The following INF2 variants were observed in gnomAD, a reference collection of about 807,000 sequenced individuals.
INF2 encodes inverted formin-2.
A neutral mutation model predicts 123.5 loss-of-function variants in INF2; 43 were observed. The observed-to-expected ratio is 0.35, with a 90% confidence interval of 0.27 to 0.45. INF2 has a LOEUF of 0.45. INF2 is among the 20% of genes least tolerant of loss of function. The probability of loss-of-function intolerance (pLI) is 1.00; values close to 1 mark genes in which losing one functional copy is unlikely to be tolerated. For synonymous variants in INF2, 851 were observed against 745.0 expected, an observed-to-expected ratio of 1.14 and a Z score of -2.32; for missense variants, 1,453 against 1,682.7, an observed-to-expected ratio of 0.86 and a Z score of 2.39.
chr14:104,709,453 C>G, intron 11 of INF2, 70 bp downstream of exon 11: 5 of 1,375,886 alleles, frequency 3.6e-6, no homozygotes, highest in Non-Finnish European at 5.2e-6. Flanking sequence ...GTCCCGGGGG[C>G]TCCCAGCAGG....
At chr14:104,681,366 G>A (rs531127767) in exon 1 of INF2, 197 of 444,246 alleles carry the variant, frequency 4.4e-4, no homozygotes, top group African/African-American at 3.8e-3. Context: ...AGAAAGCCAC[G>A]TGCAGGCTTG....
At chr14:104,710,625 G>A (rs1890007842) in intron 13 of INF2, 2 of 529,134 alleles carry the variant, frequency 3.8e-6, no homozygotes, top group Non-Finnish European at 6.8e-6. Flanking sequence ...ACAGACATAA[G>A]TGCACACACA....
At chr14:104,705,707 G>A (rs565609128) in intron 5 of INF2, among the ~76,000 whole-genome samples, 1 of 152,332 alleles carries the variant, frequency 6.6e-6, no homozygotes, top group South Asian at 2.1e-4. Context: ...TCACGGCCCG[G>A]TTCCATTGTG....
At chr14:104,700,113 G>A (rs543124034) in intron 1 of INF2, among the ~76,000 whole-genome samples, 139 of 152,240 alleles carry the variant, frequency 9.1e-4, no homozygotes, top group South Asian at 3.3e-3. Flanking sequence ...TTGGGTGCTC[G>A]ACCCCGCTCA....
Position 104,710,731 on chromosome 14 carries a change from C to T in INF2, c.2240-206C>T. The T allele has an allele frequency of 6.7e-6, 4 of 592,884 alleles. No homozygotes were observed. The South Asian group carries it at 8.0e-5, about 12-fold the overall frequency. The allele number at this position is 592,884 out of a possible 1,614,324, so 36.7% of individuals were successfully genotyped here. On this transcript the variant is annotated intron_variant, in intron 13 of 22. Transcript: ENST00000392634. ...CGGACCAGTGAGGCACAGCTCACGT[C>T]TGTCAGGCACACTGTAGGTGTCCAC...
chr14:104,683,542 C>T (rs1888584570), intron 1 of INF2, among the ~76,000 whole-genome samples: 1 of 152,154 alleles, frequency 6.6e-6, no homozygotes, highest in East Asian at 1.9e-4. Flanking sequence ...GGAGGGCAGA[C>T]AGTCGCAGTG....
intron 22 of INF2, among the ~76,000 whole-genome samples, chr14:104,717,962 C>T (rs1890391201): frequency 6.6e-6 from 1 of 152,200 alleles, no homozygotes; most frequent in Non-Finnish European, 1.5e-5. Flanking sequence ...TGGGGACCAG[C>T]GGGGGCCCTG....
chr14:104,714,277 A>C lies in INF2; in HGVS notation c.3115A>C (p.Thr1039Pro). 6.3e-7 allele frequency: 1 copy of C among 1,595,044 alleles called. No individual in the cohort carries two copies. Among genetic ancestry groups the C allele is most frequent in the Non-Finnish European group, 8.5e-7 (1 of 1,172,370 alleles). Residue 1039 changes from threonine to proline, a missense_variant, in exon 21 of 23, where the codon ACA (threonine) becomes CCA (proline). By Grantham distance (38) the Thr-to-Pro change is conservative. Around this residue, in one of 8 missense-constraint regions of INF2, gnomAD observed 344 missense variants for 333.1 expected, o/e 1.03. Coordinates refer to ENST00000392634, the MANE Select transcript of INF2 (RefSeq NM_022489.4). ...CPASEPGLDATTASESRGWDL... is the reference protein window; with the variant it reads ...CPASEPGLDAPTASESRGWDL... ...CGCCTCTGAGCCCGGCCTTGATGCT[A>C]CAACAGCCAGCGAGTCCCGGGGCTG...
At chr14:104,708,205 C>G (rs1490036603) in intron 8 of INF2, 2 of 903,472 alleles carry the variant, frequency 2.2e-6, no homozygotes, top group Admixed American at 2.5e-5. Context: ...CTCTGAGGAC[C>G]CCCCTCCACA....
At position 104,722,009 on chromosome 14, in the gene INF2, A is replaced by G. The variant is rs1890568692; in HGVS notation, c.*3216A>G. The G allele has an allele frequency of 6.6e-6, 1 of 152,248 alleles. No individual in the cohort carries two copies. Among genetic ancestry groups the G allele is most frequent in the African/African-American group, 2.4e-5 (1 of 41,442 alleles). 9.4% of individuals were successfully genotyped at this position (152,248 alleles called of 1,614,324 possible). ...AAGAGTGGAACCCACAGGTGGACAC[A>G]CCCATGCACCCTCGTTCTTGCCCAA... On this transcript the variant is annotated 3_prime_UTR_variant, in exon 23 of 23. Coordinates refer to ENST00000392634, the MANE Select transcript of INF2 (RefSeq NM_022489.4).
rs569328185 is a variant in INF2, at chr14:104,694,070, G to A, written c.-10+4331G>A. On this transcript the variant is annotated intron_variant, in intron 1 of 22. Coordinates refer to ENST00000392634, the MANE Select transcript of INF2 (RefSeq NM_022489.4). ...GCTTCCATGTGCAGAGGGCCCCCCCGGCTGCCCCTTCCCTGGGCCAGGCCA... is the reference window on the plus strand; with the variant it reads ...GCTTCCATGTGCAGAGGGCCCCCCCAGCTGCCCCTTCCCTGGGCCAGGCCA... Among the ~76,000 whole-genome samples, 311 of 152,330 alleles carry A rather than the reference G, an allele frequency of 2.0e-3. 3 individuals carry two copies. Among genetic ancestry groups the A allele is most frequent in the African/African-American group, 7.0e-3 (290 of 41,560 alleles).
intron 15 of INF2, 100 bp from the exon 16 acceptor site, chr14:104,711,529 C>T: frequency 9.3e-7 from 1 of 1,073,954 alleles, no homozygotes; most frequent in Non-Finnish European, 1.4e-6. Context: ...GTTTTCTGGA[C>T]CTTAATTGCT....
Position 104,701,413 on chromosome 14 carries a change from G to C in INF2, c.48G>C (p.Glu16Asp), listed in dbSNP as rs1203173746. The change falls in exon 2 of 23, where the codon GAG (glutamate) becomes GAC (aspartate). Residue 16 changes from glutamate (E) to aspartate (D), a missense_variant. Coordinates refer to ENST00000392634, the MANE Select transcript of INF2 (RefSeq NM_022489.4). Reference protein sequence around the residue: ...GAQRKWAALKEKLGPQDSDPT... With the variant: ...GAQRKWAALKDKLGPQDSDPT... ...AGCGCAAGTGGGCAGCGCTGAAGGAGAAGCTGGGGCCACAGGATTCGGACC... is the reference window on the plus strand; with the variant it reads ...AGCGCAAGTGGGCAGCGCTGAAGGACAAGCTGGGGCCACAGGATTCGGACC... 1.9e-6 allele frequency: 3 copies of C among 1,595,578 alleles called. No individual in the cohort carries two copies. Among genetic ancestry groups the C allele is most frequent in the Non-Finnish European group, 2.6e-6 (3 of 1,170,796 alleles).
Position 104,707,876 on chromosome 14 carries a change from G to A in INF2, c.1609G>A (p.Val537Ile), listed in dbSNP as rs1889860935. 6.2e-7 allele frequency: 1 copy of A among 1,606,366 alleles called. No individual in the cohort carries two copies. The highest frequency in any genetic ancestry group is 1.7e-5 in the Admixed American group (1 of 59,930). Residue 537 changes from valine to isoleucine, a missense_variant, in exon 8 of 23, where the codon GTC (valine) becomes ATC (isoleucine). By Grantham distance (29) the Val-to-Ile change is conservative. This residue lies in a region of INF2 where 374 missense variants were observed against 303.7 expected (regional missense o/e 1.23). Coordinates refer to ENST00000392634, the MANE Select transcript of INF2 (RefSeq NM_022489.4). ...CCCCGTGGCGGGAGGCATGGAGGAG[G>A]TCATCGTGGCCCAGGTGGACCATGG... is the stretch of plus-strand genomic sequence containing the variant. ...SPPVAGGMEEVIVAQVDHGLG... is the reference protein window; with the variant it reads ...SPPVAGGMEEIIVAQVDHGLG...
intron 1 of INF2, among the ~76,000 whole-genome samples, chr14:104,682,564 G>C (rs1888551409): frequency 1.3e-5 from 2 of 152,192 alleles, no homozygotes; most frequent in Admixed American, 6.5e-5. Context: ...GGGGAAGGCA[G>C]AGCGGGCTGC....
Position 104,709,682 on chromosome 14 carries a change from C to T in INF2, c.2115C>T (p.Tyr705=). The change falls in exon 12 of 23, where the codon TAC becomes TAT. Residue 705 remains tyrosine (Y), a synonymous_variant. Transcript: ENST00000392634. ...AGCTGGCCAGCGCCGACCACTTCTA[C>T]CTCCTCCTGCTGGCCATTCCCTGGT... ...RAKLASADHF[Y]LLLLAIPCYQ... 1 of 1,612,684 alleles carries T rather than the reference C, an allele frequency of 6.2e-7. No homozygotes were observed. The highest frequency in any genetic ancestry group is 8.5e-7 in the Non-Finnish European group (1 of 1,179,794).
chr14:104,707,076 G>A, intron 7 of INF2, 25 bp downstream of exon 7: 1 of 1,561,680 alleles, frequency 6.4e-7, no homozygotes, highest in Non-Finnish European at 8.6e-7. Flanking sequence ...CAGGGGCGTA[G>A]GCACAGCCTG....
intron 22 of INF2, among the ~76,000 whole-genome samples, chr14:104,716,938 C>T (rs1210115212): frequency 4.6e-5 from 7 of 152,202 alleles, no homozygotes; most frequent in Non-Finnish European, 7.3e-5. Flanking sequence ...GTGATCCACC[C>T]GCCTCGGCCT....
chr14:104,697,136 C>T (rs999113975), intron 1 of INF2, among the ~76,000 whole-genome samples: 2 of 152,228 alleles, frequency 1.3e-5, no homozygotes, highest in Non-Finnish European at 2.9e-5. Context: ...GGGGACTTCA[C>T]AGGGGAGGGG....
Sources: allele counts gnomAD v4.1 joint callset (sites outside exome capture counted in the v4.1 genomes callset), GRCh38; gene constraint gnomAD v4.1.1; regional missense constraint gnomAD v4.1.1; transcripts MANE v1.5; gene names NCBI Gene and HGNC (gene_info 2026-07-23, HGNC 2026-07-21).